The following IGF1R variants were observed in gnomAD, a reference collection of about 807,000 sequenced individuals.
The protein encoded by IGF1R is insulin like growth factor 1 receptor.
Under a neutral mutation model 144.6 loss-of-function variants are expected in IGF1R, and 44 were observed. The ratio of observed to expected loss-of-function variants is 0.30; its 90% CI spans 0.24 to 0.39. The LOEUF (loss-of-function observed/expected upper bound fraction) is 0.39, where lower values mean the gene tolerates loss of function less well. IGF1R is among the 10% of genes least tolerant of loss of function. The pLI, the probability that IGF1R is intolerant of heterozygous loss-of-function variation, is 1.00. For synonymous variants in IGF1R, 795 were observed against 722.8 expected, an observed-to-expected ratio of 1.10 and a Z score of -1.60; for missense variants, 1,355 against 1,833.7, an observed-to-expected ratio of 0.74 and a Z score of 4.77.
At chr15:98,907,352 C>T (rs1287695336) in intron 5 of IGF1R, among the ~76,000 whole-genome samples, 2 of 152,168 alleles carry the variant, frequency 1.3e-5, no homozygotes, top group Admixed American at 1.3e-4. Flanking sequence ...CAGAGAGATC[C>T]CCAATGGACA....
intron 2 of IGF1R, among the ~76,000 whole-genome samples, chr15:98,737,557 T>C (rs1210457122): frequency 2.0e-5 from 3 of 152,208 alleles, no homozygotes; most frequent in Admixed American, 2.0e-4. Context: ...TGAATTGTTC[T>C]CAGGTATGTT....
At position 98,924,479 on chromosome 15, in the gene IGF1R, T is replaced by C. The variant is rs35802550; in HGVS notation, c.2623-46T>C. On this transcript the variant is annotated intron_variant, in intron 12 of 20. Transcript: ENST00000650285. ...GAGTTTAGTTGGCAGGCCCCAGATTTCTCCTGCATTCATGGGAAATTGACA... is the reference window on the plus strand; with the variant it reads ...GAGTTTAGTTGGCAGGCCCCAGATTCCTCCTGCATTCATGGGAAATTGACA... 5.2e-3 allele frequency: 8,361 copies of C among 1,600,602 alleles called. 347 individuals carry two copies. The African/African-American group carries it at 0.095, about 18-fold the overall frequency.
intron 2 of IGF1R, among the ~76,000 whole-genome samples, chr15:98,741,990 T>C (rs901240462): frequency 2.0e-5 from 3 of 152,210 alleles, no homozygotes; most frequent in Admixed American, 6.5e-5. Context: ...TAGTTTGTGG[T>C]AGTAGCTGAA....
At chr15:98,857,831 A>G (rs2011916637) in intron 2 of IGF1R, among the ~76,000 whole-genome samples, 1 of 152,230 alleles carries the variant, frequency 6.6e-6, no homozygotes, top group Non-Finnish European at 1.5e-5. Flanking sequence ...ATATGTGTTT[A>G]TTTTGATAAG....
In IGF1R at chr15:98,948,556, G is replaced by GT. The variant is rs745660795; in HGVS notation, c.3588-11dup. On this transcript the variant is annotated splice_polypyrimidine_tract_variant and intron_variant, in intron 19 of 20. Coordinates refer to ENST00000650285, the MANE Select transcript of IGF1R (RefSeq NM_000875.5). ...TCCATCCCTTTCCAAGCTCCTCACA[G>GT]TTTTTTTCTCCCTGTAGGTCCTTCG... The GT allele has an allele frequency of 5.0e-6, 8 of 1,613,414 alleles. No homozygotes were observed. Among genetic ancestry groups the GT allele is most frequent in the African/African-American group, 1.3e-5 (1 of 75,034 alleles).
In IGF1R at chr15:98,963,061, C is replaced by T. The variant is rs927243879; in HGVS notation, c.*5619C>T. On this transcript the variant is annotated 3_prime_UTR_variant, in exon 21 of 21. Transcript: ENST00000650285. The stretch of plus-strand genomic sequence containing the variant: ...CAGTAGATTACGGGTAGTCAGTTGA[C>T]GAAGATCTGGTTTACAAGAACTAAT... The T allele has an allele frequency of 1.3e-5, 3 of 233,494 alleles. No homozygotes were observed. The highest frequency in any genetic ancestry group is 2.5e-5 in the Non-Finnish European group (3 of 117,982). The allele number at this position is 233,494 out of a possible 1,614,324, so 14.5% of individuals were successfully genotyped here. A position where few individuals can be genotyped will look rare whatever the true frequency, so the allele number is the denominator to read the frequency against.
chr15:98,948,046 C>T (rs551888535), intron 19 of IGF1R, among the ~76,000 whole-genome samples: 6 of 152,266 alleles, frequency 3.9e-5, no homozygotes, highest in East Asian at 3.9e-4. Context: ...CCTGTGCAGC[C>T]GGCAGTGAGA....
chr15:98,851,026 G>GTC (rs2011508157), intron 2 of IGF1R, among the ~76,000 whole-genome samples: 1 of 152,186 alleles, frequency 6.6e-6, no homozygotes, highest in Admixed American at 6.5e-5. Context: ...CCTTAACACA[G>GTC]TGCTACCAAA....
intron 1 of IGF1R, among the ~76,000 whole-genome samples, chr15:98,677,090 A>G (rs929056800): frequency 2.0e-5 from 3 of 151,922 alleles, no homozygotes; most frequent in Admixed American, 6.6e-5. Flanking sequence ...ATGCGCCACC[A>G]TGCCTGGCTA....
chr15:98,779,632 G>A (rs1472026031), intron 2 of IGF1R, among the ~76,000 whole-genome samples: 3 of 152,192 alleles, frequency 2.0e-5, no homozygotes, highest in Admixed American at 6.5e-5. Flanking sequence ...TTCTGATGCG[G>A]AACTATCATT....
chr15:98,833,304 T>C (rs2057034524), intron 2 of IGF1R, among the ~76,000 whole-genome samples: 1 of 152,228 alleles, frequency 6.6e-6, no homozygotes, highest in Non-Finnish European at 1.5e-5. Context: ...CAGTATTCTG[T>C]GGACTTTCCT....
chr15:98,672,037 C>T (rs1051435084), intron 1 of IGF1R, among the ~76,000 whole-genome samples: 1 of 152,186 alleles, frequency 6.6e-6, no homozygotes, highest in African/African-American at 2.4e-5. Context: ...ATAATCCAAG[C>T]AATAGTGAGT....
intron 2 of IGF1R, among the ~76,000 whole-genome samples, chr15:98,781,797 A>C (rs1027184126): frequency 7.9e-5 from 12 of 152,078 alleles, no homozygotes; most frequent in Non-Finnish European, 1.8e-4. Flanking sequence ...TATTGAGTCT[A>C]TTTCCTGTCT....
At chr15:98,711,090 T>A (rs2053980925) in intron 2 of IGF1R, among the ~76,000 whole-genome samples, 1 of 152,220 alleles carries the variant, frequency 6.6e-6, no homozygotes, top group Admixed American at 6.5e-5. Flanking sequence ...CCTCATCATC[T>A]TTTTGGCTGA....
intron 2 of IGF1R, among the ~76,000 whole-genome samples, chr15:98,760,287 G>A (rs1567114930): frequency 6.6e-6 from 1 of 152,024 alleles, no homozygotes; most frequent in East Asian, 1.9e-4. Flanking sequence ...GGGATGCGGA[G>A]GTCATAGTGA....
intron 2 of IGF1R, among the ~76,000 whole-genome samples, chr15:98,835,031 A>G (rs1234689227): frequency 6.6e-6 from 1 of 151,518 alleles, no homozygotes; most frequent in Non-Finnish European, 1.5e-5. Flanking sequence ...ATCCTTTGTC[A>G]GTAGTAACTT....
intron 2 of IGF1R, among the ~76,000 whole-genome samples, chr15:98,763,629 C>T (rs2055362202): frequency 6.6e-6 from 1 of 152,108 alleles, no homozygotes; most frequent in African/African-American, 2.4e-5. Flanking sequence ...CCTTTGGAAG[C>T]CTAAGGGTTT....
chr15:98,911,213 A>G (rs2151673914), intron 6 of IGF1R, 102 bp from the exon 7 acceptor site: 1 of 1,379,846 alleles, frequency 7.2e-7, no homozygotes, highest in East Asian at 2.4e-5. Flanking sequence ...AACTTAGCAT[A>G]TACAGCCAGC....
intron 2 of IGF1R, among the ~76,000 whole-genome samples, chr15:98,802,356 T>C (rs541070835): frequency 6.6e-6 from 1 of 152,174 alleles, no homozygotes; most frequent in Non-Finnish European, 1.5e-5. Context: ...TGGAGGCTGA[T>C]GAGAGAAAAC....
Sources: allele counts gnomAD v4.1 joint callset (sites outside exome capture counted in the v4.1 genomes callset), GRCh38; gene constraint gnomAD v4.1.1; transcripts MANE v1.5; gene names NCBI Gene and HGNC (gene_info 2026-07-23, HGNC 2026-07-21).